VWA8: variants seen among roughly 807,000 people sequenced by gnomAD.
VWA8 encodes the protein von Willebrand factor A domain containing 8.
VWA8 carries 221 observed loss-of-function variants against 241.5 expected under a neutral mutation model. The ratio of observed to expected loss-of-function variants is 0.91; its 90% CI spans 0.82 to 1.02. The LOEUF is 1.02. Among genes scored for constraint, VWA8 ranks in the 50% least tolerant of loss-of-function variants. The pLI is 0.00. For synonymous variants in VWA8, 852 were observed against 827.1 expected (o/e 1.03, Z -0.52); for missense variants, 2,322 against 2,328.7 (o/e 1.00, Z 0.06).
intron 14 of VWA8, among the ~76,000 whole-genome samples, chr13:41,822,429 C>A (rs567396342): frequency 6.6e-6 from 1 of 152,262 alleles, no homozygotes; most frequent in African/African-American, 2.4e-5. Context: ...TTTTCCTATG[C>A]AGTGTAGCAA....
At chr13:41,762,655 G>A (rs78510408) in intron 20 of VWA8, among the ~76,000 whole-genome samples, 7,140 of 152,176 alleles carry the variant, frequency 0.047, 255 homozygotes, top group Non-Finnish European at 0.075. Flanking sequence ...AGCCCAATAG[G>A]GAAGCAGGTA....
Position 41,824,513 on chromosome 13 carries a change from T to G in VWA8, c.1701-5127A>C, listed in dbSNP as rs540801422. ...TGGCACTTAGGAGACAAAACTAGAT[T>G]GGAAAGTGGTTTTAAAGAATGCTCA... is the stretch of plus-strand genomic sequence containing the variant. On this transcript the variant is annotated intron_variant, in intron 14 of 44. Coordinates refer to ENST00000379310, the MANE Select transcript of VWA8 (RefSeq NM_015058.2). 1.7e-4 allele frequency among the ~76,000 whole-genome samples: 26 copies of G among 151,994 alleles called. 1 individual carries two copies. The South Asian group carries it at 5.2e-3, about 30-fold the overall frequency.
At chr13:41,634,178 T>A (rs538323236) in intron 37 of VWA8, among the ~76,000 whole-genome samples, 1 of 152,310 alleles carries the variant, frequency 6.6e-6, no homozygotes, top group African/African-American at 2.4e-5. Flanking sequence ...GACTGTAGAT[T>A]AACCCAGGGT....
At chr13:41,917,374 T>C (rs1876309320) in intron 2 of VWA8, among the ~76,000 whole-genome samples, 1 of 152,244 alleles carries the variant, frequency 6.6e-6, no homozygotes, top group Non-Finnish European at 1.5e-5. Flanking sequence ...ATCCATGTCC[T>C]TAGACAAGCA....
At chr13:41,577,141 C>T (rs2044355525) in intron 42 of VWA8, among the ~76,000 whole-genome samples, 1 of 152,204 alleles carries the variant, frequency 6.6e-6, no homozygotes, top group Non-Finnish European at 1.5e-5. Flanking sequence ...GGAGCATGAT[C>T]TAAAAACAGG....
chr13:41,816,472 T>TACATGTTTCTTTCTATA (rs1870698315), intron 16 of VWA8, among the ~76,000 whole-genome samples: 1 of 152,194 alleles, frequency 6.6e-6, no homozygotes, highest in African/African-American at 2.4e-5. Context: ...TGAAGTACTC[T>TACATGTTTCTTTCTATA]GGAGCTACAA....
At chr13:41,740,860 A>T (rs916821304) in intron 21 of VWA8, among the ~76,000 whole-genome samples, 1 of 152,218 alleles carries the variant, frequency 6.6e-6, no homozygotes, top group African/African-American at 2.4e-5. Context: ...TACCCAAAAC[A>T]TCTTCAAAAC....
At position 41,946,213 on chromosome 13, in the gene VWA8, T is replaced by A. The variant is rs539500811; in HGVS notation, c.241+3723A>T. The stretch of plus-strand genomic sequence containing the variant: ...GGAGAAATGAAGACATTTCCAAATT[T>A]AAAAAAAAAAAAGTGATAATTCACC... On this transcript the variant is annotated intron_variant, in intron 2 of 44. Transcript: ENST00000379310. Among the ~76,000 whole-genome samples, 265 of 143,312 alleles carry A rather than the reference T, an allele frequency of 1.8e-3. 1 individual carries two copies. The highest frequency in any genetic ancestry group is 0.013 in the South Asian group (59 of 4,534). The allele number at this position is 143,312 out of a possible 152,430, so 94.0% of individuals were successfully genotyped here.
At chr13:41,902,993 C>A (rs1332348258) in intron 4 of VWA8, among the ~76,000 whole-genome samples, 1 of 152,192 alleles carries the variant, frequency 6.6e-6, no homozygotes, top group East Asian at 1.9e-4. Flanking sequence ...CAGGGATCAC[C>A]TAACAGTGAA....
chr13:41,710,885 G>A (rs1467805510), intron 26 of VWA8, among the ~76,000 whole-genome samples: 1 of 152,172 alleles, frequency 6.6e-6, no homozygotes, highest in Non-Finnish European at 1.5e-5. Context: ...CTGATACTTT[G>A]AAGACTCCAT....
intron 37 of VWA8, among the ~76,000 whole-genome samples, chr13:41,640,686 T>C (rs2044789838): frequency 6.6e-6 from 1 of 152,252 alleles, no homozygotes; most frequent in African/African-American, 2.4e-5. Context: ...ATGCTAAAAC[T>C]GGGGCTTCTA....
intron 12 of VWA8, among the ~76,000 whole-genome samples, chr13:41,846,765 G>A (rs932762797): frequency 1.6e-4 from 24 of 152,110 alleles, no homozygotes; most frequent in African/African-American, 5.6e-4. Context: ...GGCTAGGCAC[G>A]GTGGCTCACG....
intron 9 of VWA8, among the ~76,000 whole-genome samples, chr13:41,877,198 C>T (rs539420369): frequency 1.3e-5 from 2 of 152,192 alleles, no homozygotes; most frequent in East Asian, 1.9e-4. Context: ...ACTATACTCA[C>T]GTGTCCAAGG....
intron 12 of VWA8, among the ~76,000 whole-genome samples, chr13:41,835,482 C>A (rs919405457): frequency 4.6e-5 from 7 of 152,036 alleles, no homozygotes; most frequent in Non-Finnish European, 2.9e-5. Flanking sequence ...TCTCTTGATG[C>A]CAATGACAGT....
chr13:41,841,799 AAAAAAAAAAAAAAAAAAAAAAATAT>A (rs1872024034), intron 12 of VWA8, among the ~76,000 whole-genome samples: 1 of 41,768 alleles, frequency 2.4e-5, no homozygotes, highest in African/African-American at 9.7e-5. Context: ...AAAAAAAAAA[AAAAAAAAAAAAAAAAAAAAAAATAT>A]ATATATATAT....
intron 2 of VWA8, among the ~76,000 whole-genome samples, chr13:41,916,966 C>A (rs1201390357): frequency 6.6e-6 from 1 of 152,148 alleles, no homozygotes; most frequent in Non-Finnish European, 1.5e-5. Flanking sequence ...TCAAAATAAT[C>A]CCAAAGAGCT....
At position 41,674,027 on chromosome 13, in the gene VWA8, A is replaced by T. The variant is rs557547350; in HGVS notation, c.4409+1188T>A. Reference sequence around the variant, plus strand: ...AATTAGTATATTTTAATGAGCATATAATTAAGATGGAATATGCAATTTCCT... The same window carrying T: ...AATTAGTATATTTTAATGAGCATATTATTAAGATGGAATATGCAATTTCCT... On this transcript the variant is annotated intron_variant, in intron 36 of 44. Transcript: ENST00000379310. 2.0e-5 allele frequency among the ~76,000 whole-genome samples: 3 copies of T among 152,370 alleles called. No individual in the cohort carries two copies. The South Asian group carries it at 6.2e-4, about 32-fold the overall frequency.
chr13:41,597,322 GAT>G lies in VWA8; in HGVS notation c.4987-6559_4987-6558del, dbSNP rs537039370. Among the ~76,000 whole-genome samples, 10 of 152,132 alleles carry G rather than the reference GAT, an allele frequency of 6.6e-5. 1 individual carries two copies. The highest frequency in any genetic ancestry group is 6.5e-4 in the Admixed American group (10 of 15,268). On this transcript the variant is annotated intron_variant, in intron 40 of 44. Transcript: ENST00000379310. ...GAAAACTTTCATATTGAATTTATAA[GAT>G]AAACTATTAATCAGTGGAAACACAA...
chr13:41,741,618 T>C (rs1022379433), intron 21 of VWA8, among the ~76,000 whole-genome samples: 3 of 152,224 alleles, frequency 2.0e-5, no homozygotes, highest in African/African-American at 7.2e-5. Context: ...ACCTAGTGTC[T>C]ATCATTATGC....
Sources: allele counts gnomAD v4.1 joint callset (sites outside exome capture counted in the v4.1 genomes callset), GRCh38; gene constraint gnomAD v4.1.1; transcripts MANE v1.5; gene names NCBI Gene and HGNC (gene_info 2026-07-23, HGNC 2026-07-21).